Variants in CYSTM1 observed in about 807,000 individuals in gnomAD.
CYSTM1 encodes cysteine rich transmembrane module containing 1, also known as cysteine-rich transmembrane module-containing protein 1.
A neutral mutation model predicts 13.1 loss-of-function variants in CYSTM1; 4 were observed. The observed-to-expected ratio is 0.31, with a 90% CI of 0.15 to 0.70. The LOEUF (loss-of-function observed/expected upper bound fraction) is 0.70, where lower values mean the gene tolerates loss of function less well. Ranked by LOEUF, CYSTM1 falls within the 30% of genes least tolerant of loss-of-function variation. The pLI, the probability that CYSTM1 is intolerant of heterozygous loss-of-function variation, is 0.72. For synonymous variants in CYSTM1, 36 were observed against 42.7 expected (o/e 0.84, Z 0.62); for missense variants, 96 against 121.6 (o/e 0.79, Z 0.99).
At chr5:140,204,157 A>G (rs1764261681) in intron 2 of CYSTM1, among the ~76,000 whole-genome samples, 1 of 152,124 alleles carries the variant, frequency 6.6e-6, no homozygotes, top group African/African-American at 2.4e-5. Context: ...GCTTGAGGCC[A>G]GGAGTTCGAC....
chr5:140,206,575 C>T (rs1162516606), intron 2 of CYSTM1, among the ~76,000 whole-genome samples: 1 of 152,120 alleles, frequency 6.6e-6, no homozygotes. Flanking sequence ...TCCTGAATTG[C>T]TGACATGTGT....
At chr5:140,242,383 A>C (rs896896158) in intron 2 of CYSTM1, among the ~76,000 whole-genome samples, 5 of 152,186 alleles carry the variant, frequency 3.3e-5, no homozygotes, top group African/African-American at 4.8e-5. Context: ...AAAACACAAG[A>C]AAACTGAAAG....
intron 2 of CYSTM1, among the ~76,000 whole-genome samples, chr5:140,235,858 A>G (rs1038466874): frequency 3.9e-5 from 6 of 152,204 alleles, no homozygotes; most frequent in Non-Finnish European, 7.4e-5. Context: ...AGACTCTAGC[A>G]GAAGAGTGGG....
intron 2 of CYSTM1, among the ~76,000 whole-genome samples, chr5:140,222,462 G>A (rs1011645402): frequency 6.6e-6 from 1 of 152,212 alleles, no homozygotes; most frequent in African/African-American, 2.4e-5. Flanking sequence ...ATGGCTGGTT[G>A]TGAAACTCTT....
intron 2 of CYSTM1, among the ~76,000 whole-genome samples, chr5:140,214,922 A>G (rs1764410094): frequency 6.6e-6 from 1 of 152,150 alleles, no homozygotes; most frequent in African/African-American, 2.4e-5. Context: ...CCTAGGATAT[A>G]TTCTTCCCAG....
intron 2 of CYSTM1, among the ~76,000 whole-genome samples, chr5:140,210,751 A>G (rs1581066090): frequency 6.6e-6 from 1 of 152,286 alleles, no homozygotes; most frequent in South Asian, 2.1e-4. Context: ...GGCTCAAACC[A>G]TCTGCCCGCC....
chr5:140,189,446 A>C (rs1764064222), intron 1 of CYSTM1, among the ~76,000 whole-genome samples: 1 of 152,158 alleles, frequency 6.6e-6, no homozygotes, highest in Admixed American at 6.5e-5. Flanking sequence ...TTGTACAGTC[A>C]GCAGAACCAT....
intron 2 of CYSTM1, among the ~76,000 whole-genome samples, chr5:140,212,854 CT>C (rs1275699173): frequency 6.6e-6 from 1 of 151,356 alleles, no homozygotes; most frequent in African/African-American, 2.4e-5. Context: ...GTAATCCCAG[CT>C]ACTAGAGAGG....
intron 1 of CYSTM1, among the ~76,000 whole-genome samples, chr5:140,192,357 A>G (rs774087370): frequency 1.3e-5 from 2 of 152,222 alleles, no homozygotes; most frequent in African/African-American, 2.4e-5. Flanking sequence ...TCAAGAAAGC[A>G]CTTAATAAAT....
At chr5:140,179,696 T>C (rs1763940705) in intron 1 of CYSTM1, among the ~76,000 whole-genome samples, 1 of 148,706 alleles carries the variant, frequency 6.7e-6, no homozygotes, top group Admixed American at 6.7e-5. Context: ...AGTCTTGCTC[T>C]GTCTCCCAGG....
At chr5:140,177,841 A>G (rs374976269) in intron 1 of CYSTM1, among the ~76,000 whole-genome samples, 4 of 152,198 alleles carry the variant, frequency 2.6e-5, no homozygotes, top group African/African-American at 7.2e-5. Flanking sequence ...CTGTTTTCCA[A>G]ATCTCTTTGA....
rs1416217941 is a variant in CYSTM1, at chr5:140,243,445, C to T, written c.*34C>T. On this transcript the variant is annotated 3_prime_UTR_variant, in exon 3 of 3. Transcript: ENST00000261811. Reference sequence around the variant, plus strand: ...GCCCAGCCGTCCTGTCCTGCCAGCTCTGCTGCCACCTCTGACAGGTGTGCC... The same window carrying T: ...GCCCAGCCGTCCTGTCCTGCCAGCTTTGCTGCCACCTCTGACAGGTGTGCC... 6.3e-7 allele frequency: 1 copy of T among 1,586,328 alleles called. No individual in the cohort carries two copies. The highest frequency in any genetic ancestry group is 1.3e-5 in the African/African-American group (1 of 74,284).
At chr5:140,213,401 A>G (rs1764393955) in intron 2 of CYSTM1, among the ~76,000 whole-genome samples, 1 of 152,176 alleles carries the variant, frequency 6.6e-6, no homozygotes, top group Non-Finnish European at 1.5e-5. Context: ...AAAGTTTAAA[A>G]TTTTTTTCAA....
intron 2 of CYSTM1, among the ~76,000 whole-genome samples, chr5:140,225,621 T>C (rs1334954310): frequency 2.0e-5 from 3 of 152,220 alleles, no homozygotes; most frequent in East Asian, 3.8e-4. Flanking sequence ...TGTGACCGGT[T>C]TCCCTGACTT....
chr5:140,243,247 T>C lies in CYSTM1; in HGVS notation c.188-58T>C, dbSNP rs370235129. The C allele has an allele frequency of 5.8e-4, 857 of 1,479,570 alleles. 9 individuals are homozygous for C. In the South Asian group the frequency reaches 9.4e-3, roughly 16 times the overall value. The allele number at this position is 1,479,570 out of a possible 1,614,324, so 91.7% of individuals were successfully genotyped here. On this transcript the variant is annotated intron_variant, in intron 2 of 2. Transcript: ENST00000261811. ...TCCTGTGGTCCTGGGAGGCTAACTT[T>C]GCAGGGCCTGGGGTTTGCACCAGTC... is the stretch of plus-strand genomic sequence containing the variant.
At chr5:140,211,094 T>A (rs191278779) in intron 2 of CYSTM1, among the ~76,000 whole-genome samples, 23 of 152,352 alleles carry the variant, frequency 1.5e-4, no homozygotes, top group Admixed American at 1.4e-3. Context: ...TTTAAGTTTT[T>A]AAGTATTAAT....
intron 2 of CYSTM1, among the ~76,000 whole-genome samples, chr5:140,216,245 G>A (rs1764425176): frequency 6.6e-6 from 1 of 152,100 alleles, no homozygotes; most frequent in Non-Finnish European, 1.5e-5. Context: ...AGCTTTCACC[G>A]ATGTCTCCAT....
At chr5:140,228,366 G>A (rs1373346093) in intron 2 of CYSTM1, among the ~76,000 whole-genome samples, 1 of 152,138 alleles carries the variant, frequency 6.6e-6, no homozygotes, top group East Asian at 1.9e-4. Flanking sequence ...AAAGATTTCC[G>A]CCGGTGCCTG....
At chr5:140,229,882 A>AT (rs1323105609) in intron 2 of CYSTM1, among the ~76,000 whole-genome samples, 3 of 149,546 alleles carry the variant, frequency 2.0e-5, no homozygotes, top group Admixed American at 6.6e-5. Flanking sequence ...TTTTTATTTT[A>AT]TTTTTTGAAA....
Sources: gnomAD v4.1 joint callset for allele counts (sites outside exome capture counted in the v4.1 genomes callset) on GRCh38, gnomAD v4.1.1 for gene constraint, MANE v1.5 for transcripts, NCBI Gene and HGNC (gene_info 2026-07-23, HGNC 2026-07-21) for gene names.